Variants in ZNF516 observed in about 807,000 individuals in gnomAD.
The protein encoded by ZNF516 is zinc finger protein 516.
ZNF516 carries 19 observed loss-of-function variants against 79.7 expected under a neutral mutation model. The observed-to-expected ratio is 0.24, with a 90% CI of 0.17 to 0.35. ZNF516 has a LOEUF of 0.35. Ranked by LOEUF, ZNF516 falls within the 10% of genes least tolerant of loss-of-function variation. The pLI is 1.00. For missense variants in ZNF516, 1,678 were observed against 1,679.5 expected (o/e 1.00, Z 0.02); for synonymous variants, 877 against 739.5 (o/e 1.19, Z -3.02).
At chr18:76,480,159 TAAAAA>T (rs539724418) in intron 1 of ZNF516, among the ~76,000 whole-genome samples, 8,985 of 109,224 alleles carry the variant, frequency 0.082, 341 homozygotes, top group Non-Finnish European at 0.11. Flanking sequence ...AGATTTTGTG[TAAAAA>T]AAAAAAAAAA....
intron 2 of ZNF516, among the ~76,000 whole-genome samples, chr18:76,447,796 A>G (rs1047003082): frequency 6.6e-6 from 1 of 152,212 alleles, no homozygotes; most frequent in African/African-American, 2.4e-5. Flanking sequence ...CATGCCAGAC[A>G]AAACCGTAAT....
intron 1 of ZNF516, among the ~76,000 whole-genome samples, chr18:76,484,102 C>G (rs375807293): frequency 3.3e-5 from 5 of 152,220 alleles, no homozygotes; most frequent in African/African-American, 1.2e-4. Context: ...CATGACAACA[C>G]GCTTACCAAG....
At chr18:76,452,241 G>T (rs1203544017) in intron 2 of ZNF516, among the ~76,000 whole-genome samples, 1 of 152,194 alleles carries the variant, frequency 6.6e-6, no homozygotes, top group African/African-American at 2.4e-5. Context: ...ATGTGCTTAG[G>T]TCTTTCTGCT....
At chr18:76,473,643 T>C (rs975200835) in intron 1 of ZNF516, among the ~76,000 whole-genome samples, 9 of 151,664 alleles carry the variant, frequency 5.9e-5, no homozygotes, top group Non-Finnish European at 7.4e-5. Flanking sequence ...CTACTAAAAA[T>C]ACAAAAAATT....
intron 6 of ZNF516, among the ~76,000 whole-genome samples, chr18:76,369,771 T>C (rs1377124567): frequency 2.6e-5 from 4 of 152,184 alleles, no homozygotes; most frequent in African/African-American, 9.7e-5. Flanking sequence ...GGAGAGTTTG[T>C]CTTTGGAGAA....
chr18:76,480,789 T>TGG (rs1052405334), intron 1 of ZNF516, among the ~76,000 whole-genome samples: 18 of 152,204 alleles, frequency 1.2e-4, no homozygotes, highest in Admixed American at 6.5e-4. Flanking sequence ...CCCAAAATGC[T>TGG]GGGATTACAG....
chr18:76,438,604 T>C (rs2075775779), intron 3 of ZNF516, among the ~76,000 whole-genome samples: 3 of 152,140 alleles, frequency 2.0e-5, no homozygotes, highest in Admixed American at 2.0e-4. Context: ...AAGTCTTATG[T>C]GGGGATAAAA....
chr18:76,451,254 G>A lies in ZNF516; in HGVS notation c.-157-8043C>T, dbSNP rs998911898. 5.3e-5 allele frequency among the ~76,000 whole-genome samples: 8 copies of A among 152,158 alleles called. No individual in the cohort carries two copies. The highest frequency in any genetic ancestry group is 1.4e-4 in the African/African-American group (6 of 41,428). ...GTCCCGAAACAGCCCTGGCTCCCCC[G>A]ACGCCATGTGGCTTTACTTATCCCC... is the stretch of plus-strand genomic sequence containing the variant. On this transcript the variant is annotated intron_variant, in intron 2 of 6. Transcript: ENST00000443185. The surrounding 1 kb of genome is among the most constrained non-coding windows in gnomAD (Gnocchi z 6.0).
chr18:76,438,033 T>A (rs1010229824), intron 3 of ZNF516, among the ~76,000 whole-genome samples: 12 of 152,128 alleles, frequency 7.9e-5, no homozygotes, highest in Admixed American at 2.6e-4. Flanking sequence ...CAAGAAATGG[T>A]GAAAAGCGGG....
chr18:76,447,774 TG>T (rs1055598751), intron 2 of ZNF516, among the ~76,000 whole-genome samples: 2 of 152,206 alleles, frequency 1.3e-5, no homozygotes, highest in Non-Finnish European at 2.9e-5. Context: ...TTTCCAAGGC[TG>T]GAACTGGGAA....
At position 76,442,232 on chromosome 18, in the gene ZNF516, C is replaced by T. The variant is rs748089031; in HGVS notation, c.823G>A (p.Asp275Asn). Residue 275 changes from aspartate (D) to asparagine (N), a missense_variant, in exon 3 of 7, where the codon GAC becomes AAC. Coordinates refer to ENST00000443185, the MANE Select transcript of ZNF516 (RefSeq NM_014643.4). ...CGGCCGCAGATGTGGCAGCCGTGGT[C>T]GAAGGAGCCCCGGTGCTTCTTCATG... ...AHMKKHRGSF[D>N]HGCHICGRRF... 6.2e-7 allele frequency: 1 copy of T among 1,613,754 alleles called. No individual in the cohort carries two copies. The highest frequency in any genetic ancestry group is 8.5e-7 in the Non-Finnish European group (1 of 1,179,858).
chr18:76,457,212 G>A (rs1267743009), intron 2 of ZNF516, among the ~76,000 whole-genome samples: 1 of 152,256 alleles, frequency 6.6e-6, no homozygotes, highest in East Asian at 1.9e-4. Context: ...TTCCTTTCTG[G>A]AAAGTTCTCA....
In ZNF516 at chr18:76,466,057, G is replaced by A. The variant is rs565226956; in HGVS notation, c.-271-2916C>T. On this transcript the variant is annotated intron_variant, in intron 1 of 6. Transcript: ENST00000443185. Reference sequence around the variant, plus strand: ...TAAAGAGGCCCCAAGCAGTCCTCTCGATGCATTTTCTGATGATCAACTGTT... The same window carrying A: ...TAAAGAGGCCCCAAGCAGTCCTCTCAATGCATTTTCTGATGATCAACTGTT... 2.3e-4 allele frequency among the ~76,000 whole-genome samples: 35 copies of A among 152,234 alleles called. No homozygotes were observed. In the South Asian group the frequency reaches 3.9e-3, roughly 17 times the overall value.
chr18:76,451,168 C>G lies in ZNF516; in HGVS notation c.-157-7957G>C, dbSNP rs1912387974. ...GCAAAGCTGAAGTGGGTGCTGCTTTCCAAATGCCTATCTAGCTTGGCATTT... is the reference window on the plus strand; with the variant it reads ...GCAAAGCTGAAGTGGGTGCTGCTTTGCAAATGCCTATCTAGCTTGGCATTT... On this transcript the variant is annotated intron_variant, in intron 2 of 6. Transcript: ENST00000443185. The surrounding 1 kb of genome is among the most constrained non-coding windows in gnomAD (Gnocchi z 6.0). 6.6e-6 allele frequency among the ~76,000 whole-genome samples: 1 copy of G among 152,216 alleles called. No individual in the cohort carries two copies. The highest frequency in any genetic ancestry group is 2.4e-5 in the African/African-American group (1 of 41,462).
At chr18:76,386,746 T>C (rs904367209) in intron 3 of ZNF516, 11 of 152,230 alleles carry the variant, frequency 7.2e-5, no homozygotes, top group Non-Finnish European at 1.5e-4. Context: ...AATGATTTCC[T>C]TTCTAATGGA....
At chr18:76,363,982 T>C (rs1173281727) in intron 6 of ZNF516, among the ~76,000 whole-genome samples, 1 of 152,228 alleles carries the variant, frequency 6.6e-6, no homozygotes, top group African/African-American at 2.4e-5. Context: ...CACATCCACC[T>C]GGGTAGCTCT....
At chr18:76,371,332 C>G in intron 5 of ZNF516, 135 bp downstream of exon 5, 1 of 838,314 alleles carries the variant, frequency 1.2e-6, no homozygotes, top group South Asian at 1.7e-5. Flanking sequence ...ATCCCGGAGG[C>G]AGATGGCAGG....
intron 1 of ZNF516, among the ~76,000 whole-genome samples, chr18:76,484,658 C>A (rs1268031936): frequency 6.6e-6 from 1 of 152,204 alleles, no homozygotes; most frequent in South Asian, 2.1e-4. Context: ...ACACTCTCGA[C>A]GGCCCCCTTA....
chr18:76,433,419 A>C (rs1333943675), intron 3 of ZNF516, among the ~76,000 whole-genome samples: 1 of 152,214 alleles, frequency 6.6e-6, no homozygotes, highest in Non-Finnish European at 1.5e-5. Flanking sequence ...GCCTGACGCA[A>C]GGCGGATGCT....
Sources: gnomAD v4.1 joint callset for allele counts (sites outside exome capture counted in the v4.1 genomes callset) on GRCh38, gnomAD v4.1.1 for gene constraint, Gnocchi (gnomAD v3.1) non-coding constraint, MANE v1.5 for transcripts, NCBI Gene and HGNC (gene_info 2026-07-23, HGNC 2026-07-21) for gene names.